The following MAPK9 variants were observed in gnomAD, a reference collection of about 807,000 sequenced individuals.
The protein encoded by MAPK9 is Jun kinase.
In MAPK9, 30 loss-of-function variants were observed where a neutral mutation model predicts 57.1. That is an observed-to-expected ratio of 0.53 (90% CI 0.39 to 0.71). The LOEUF is 0.71. Among genes scored for constraint, MAPK9 ranks in the 30% least tolerant of loss-of-function variants. The pLI, the probability that MAPK9 is intolerant of heterozygous loss-of-function variation, is 0.00. For synonymous variants in MAPK9, 155 were observed against 177.0 expected, an observed-to-expected ratio of 0.88 and a Z score of 0.99; for missense variants, 362 against 521.0, an observed-to-expected ratio of 0.69 and a Z score of 2.97.
At chr5:180,268,821 C>T (rs953646300) in intron 3 of MAPK9, among the ~76,000 whole-genome samples, 28 of 127,932 alleles carry the variant, frequency 2.2e-4, no homozygotes, top group Non-Finnish European at 4.3e-4. Context: ...AGCGAGACTC[C>T]GTCTCCAAAA....
rs1757095274 is a variant in MAPK9 at position 180,235,261 on chromosome 5, AGG to A, written c.*1121_*1122del. The A allele has an allele frequency of 6.6e-6, 1 of 152,272 alleles. No homozygotes were observed. Among genetic ancestry groups the A allele is most frequent in the African/African-American group, 2.4e-5 (1 of 41,472 alleles). The allele number at this position is 152,272 out of a possible 1,614,324, so 9.4% of individuals were successfully genotyped here. A position where few individuals can be genotyped will look rare whatever the true frequency, so the allele number is the denominator to read the frequency against. ...AACAATGGAGAGCAACAATAGCAAC[AGG>A]CATCTGAATCAGCCTGGCCTCTGAA... On this transcript the variant is annotated 3_prime_UTR_variant, in exon 12 of 12. Coordinates refer to ENST00000452135, the MANE Select transcript of MAPK9 (RefSeq NM_002752.5).
intron 2 of MAPK9, among the ~76,000 whole-genome samples, chr5:180,274,820 C>A (rs1249202241): frequency 1.3e-5 from 2 of 152,124 alleles, no homozygotes; most frequent in African/African-American, 4.8e-5. Context: ...AAAACTAACA[C>A]CTTCTCTGTT....
intron 1 of MAPK9, among the ~76,000 whole-genome samples, chr5:180,288,742 G>C (rs919331018): frequency 1.3e-5 from 2 of 152,196 alleles, no homozygotes. Context: ...GGCACCCACT[G>C]TGTAATTAGT....
At position 180,241,067 on chromosome 5, in the gene MAPK9, G is replaced by A; in HGVS notation, c.960C>T (p.Tyr320=). Residue 320 remains tyrosine, a synonymous_variant, in exon 9 of 12, where the codon TAC becomes TAT. Transcript: ENST00000452135. ...ISVDEALRHP[Y]ITVWYDPAEA... Reference sequence around the variant, plus strand: ...CGGCGGGGTCATACCAAACAGTGATGTATGGGTGACGCAGAGCTTCGTCTA... The same window carrying A: ...CGGCGGGGTCATACCAAACAGTGATATATGGGTGACGCAGAGCTTCGTCTA... 1 of 1,614,020 alleles carries A rather than the reference G, an allele frequency of 6.2e-7. No individual in the cohort carries two copies. Among genetic ancestry groups the A allele is most frequent in the Non-Finnish European group, 8.5e-7 (1 of 1,179,966 alleles).
intron 3 of MAPK9, among the ~76,000 whole-genome samples, chr5:180,268,671 C>CA (rs1172924876): frequency 2.0e-5 from 3 of 151,900 alleles, no homozygotes; most frequent in Non-Finnish European, 4.4e-5. Context: ...CCTAAAAATA[C>CA]AAAAAATTAG....
chr5:180,264,196 C>G (rs886659676), intron 4 of MAPK9, among the ~76,000 whole-genome samples: 1 of 152,200 alleles, frequency 6.6e-6, no homozygotes, highest in East Asian at 1.9e-4. Context: ...CCTCATTTAT[C>G]ATGTGGCTTG....
At chr5:180,272,535 T>C (rs1485557766) in intron 2 of MAPK9, among the ~76,000 whole-genome samples, 1 of 152,214 alleles carries the variant, frequency 6.6e-6, no homozygotes, top group African/African-American at 2.4e-5. Flanking sequence ...GATAACTGCT[T>C]TGACATGTAC....
intron 9 of MAPK9, 44 bp downstream of exon 9, chr5:180,240,987 A>G: frequency 6.4e-7 from 1 of 1,570,698 alleles, no homozygotes; most frequent in Non-Finnish European, 8.6e-7. Flanking sequence ...AAGGAAATAT[A>G]AGCCTGGCCT....
chr5:180,267,306 A>C lies in MAPK9; in HGVS notation c.252+1974T>G, dbSNP rs532620262. ...TCCGGGTGCGGTGGCTCACGCCTGT[A>C]ATCCCAGCACTTTGGGACGCCGAGG... On this transcript the variant is annotated intron_variant, in intron 3 of 11. Coordinates refer to ENST00000452135, the MANE Select transcript of MAPK9 (RefSeq NM_002752.5). 5.0e-4 allele frequency among the ~76,000 whole-genome samples: 76 copies of C among 152,280 alleles called. 1 individual carries two copies. The highest frequency in any genetic ancestry group is 1.8e-3 in the African/African-American group (73 of 41,584).
chr5:180,280,016 A>C (rs2127621230), intron 2 of MAPK9: 1 of 457,226 alleles, frequency 2.2e-6, no homozygotes, highest in Middle Eastern at 3.2e-4. Flanking sequence ...AATGAATGGC[A>C]AGGCACTGCA....
chr5:180,240,992 T>C, intron 9 of MAPK9, 39 bp downstream of exon 9: 1 of 1,585,884 alleles, frequency 6.3e-7, no homozygotes, highest in East Asian at 2.3e-5. Flanking sequence ...AATATAAGCC[T>C]GGCCTCTCTA....
chr5:180,250,867 A>C (rs1369101609), intron 5 of MAPK9, among the ~76,000 whole-genome samples: 1 of 152,134 alleles, frequency 6.6e-6, no homozygotes. Flanking sequence ...GCCTCCCTGC[A>C]TGAAGGAAAG....
At chr5:180,275,019 T>C (rs1221525881) in intron 2 of MAPK9, among the ~76,000 whole-genome samples, 1 of 152,236 alleles carries the variant, frequency 6.6e-6, no homozygotes, top group African/African-American at 2.4e-5. Flanking sequence ...GAAGTTTTCA[T>C]TTCTCCACCA....
At chr5:180,239,767 A>C (rs1467917303) in intron 10 of MAPK9, among the ~76,000 whole-genome samples, 157 bp downstream of exon 10, 1 of 152,146 alleles carries the variant, frequency 6.6e-6, no homozygotes, top group African/African-American at 2.4e-5. Context: ...GTTCTCTTCA[A>C]GTTCATTTTC....
rs1409239798 is a variant in MAPK9, at chr5:180,242,724, C to G, written c.720G>C (p.Gln240His). Residue 240 changes from glutamine (Q) to histidine (H), a missense_variant, in exon 8 of 12, where the codon CAG becomes CAC. Coordinates refer to ENST00000452135, the MANE Select transcript of MAPK9 (RefSeq NM_002752.5). ...TGAACTCTGCTGATGGTGTTCCCAG[C>G]TGCTCAATAACTTTATTCCACTGAT... ...HIDQWNKVIE[Q>H]LGTPSAEFMK... 2 of 1,613,790 alleles carry G rather than the reference C, an allele frequency of 1.2e-6. No homozygotes were observed. Among genetic ancestry groups the G allele is most frequent in the South Asian group, 2.2e-5 (2 of 91,036 alleles).
At chr5:180,242,111 G>A (rs1757718759) in intron 8 of MAPK9, among the ~76,000 whole-genome samples, 1 of 152,182 alleles carries the variant, frequency 6.6e-6, no homozygotes, top group African/African-American at 2.4e-5. Flanking sequence ...AGCAAAGACT[G>A]GGGCTTTTCT....
At chr5:180,291,228 G>T (rs541448958) in intron 1 of MAPK9, among the ~76,000 whole-genome samples, 11 of 149,582 alleles carry the variant, frequency 7.4e-5, no homozygotes, top group African/African-American at 2.7e-4. Context: ...GGTGGTAAGG[G>T]ATTCGGGCTG....
intron 2 of MAPK9, among the ~76,000 whole-genome samples, chr5:180,270,872 AAG>A (rs1554126681): frequency 4.0e-4 from 53 of 131,276 alleles, no homozygotes; most frequent in East Asian, 1.2e-3. Flanking sequence ...AAAAAAAAAA[AAG>A]AAAAAGAAAA....
chr5:180,280,634 G>C, intron 1 of MAPK9, 26 bp from the exon 2 acceptor site: 1 of 1,547,930 alleles, frequency 6.5e-7, no homozygotes, highest in East Asian at 2.3e-5. Context: ...GAATGAACGT[G>C]CATTCTTACC....
Sources: gnomAD v4.1 joint callset for allele counts (sites outside exome capture counted in the v4.1 genomes callset) on GRCh38, gnomAD v4.1.1 for gene constraint, MANE v1.5 for transcripts, NCBI Gene and HGNC (gene_info 2026-07-23, HGNC 2026-07-21) for gene names.